The following PIP5K1B variants were observed in gnomAD, a reference collection of about 807,000 sequenced individuals.
The protein encoded by PIP5K1B is phosphatidylinositol 4-phosphate 5-kinase type-1 beta.
Under a neutral mutation model 67.0 loss-of-function variants are expected in PIP5K1B, and 42 were observed. The ratio of observed to expected loss-of-function variants is 0.63; its 90% CI spans 0.49 to 0.81. The LOEUF is 0.81. Among genes scored for constraint, PIP5K1B ranks in the 30% least tolerant of loss-of-function variants. The probability of loss-of-function intolerance (pLI) is 0.00; values close to 1 mark genes in which losing one functional copy is unlikely to be tolerated. For synonymous variants in PIP5K1B, 214 were observed against 231.4 expected, an observed-to-expected ratio of 0.92 and a Z score of 0.68; for missense variants, 459 against 646.3, an observed-to-expected ratio of 0.71 and a Z score of 3.14.
At chr9:68,741,011 C>T (rs935652359) in intron 1 of PIP5K1B, among the ~76,000 whole-genome samples, 1 of 152,190 alleles carries the variant, frequency 6.6e-6, no homozygotes, top group Admixed American at 6.5e-5. Context: ...ATTAGTATTT[C>T]TAAATGCCAT....
intron 2 of PIP5K1B, among the ~76,000 whole-genome samples, chr9:68,762,475 G>A (rs11143638): frequency 0.019 from 2,918 of 151,924 alleles, 57 homozygotes; most frequent in East Asian, 0.11. Context: ...AATTATCTGC[G>A]TCTTTGGAAA....
At chr9:68,718,062 G>T (rs551122710) in intron 1 of PIP5K1B, among the ~76,000 whole-genome samples, 1 of 152,268 alleles carries the variant, frequency 6.6e-6, no homozygotes, top group South Asian at 2.1e-4. Context: ...CAGCCTAGAG[G>T]TGTGCATTTA....
At chr9:68,894,809 G>A (rs1320812514) in intron 8 of PIP5K1B, among the ~76,000 whole-genome samples, 171 bp downstream of exon 8, 5 of 152,202 alleles carry the variant, frequency 3.3e-5, no homozygotes, top group Admixed American at 6.5e-5. Context: ...GAAGGAATTG[G>A]TAGATGATAA....
chr9:68,967,614 C>G (rs187011169), intron 14 of PIP5K1B, among the ~76,000 whole-genome samples: 207 of 152,216 alleles, frequency 1.4e-3, no homozygotes, highest in Non-Finnish European at 2.2e-3. Flanking sequence ...GAGCCTCTAC[C>G]CTCTCCCAGA....
intron 14 of PIP5K1B, among the ~76,000 whole-genome samples, chr9:68,973,548 A>C (rs1829494223): frequency 6.6e-6 from 1 of 152,244 alleles, no homozygotes; most frequent in South Asian, 2.1e-4. Context: ...TGTATTTACA[A>C]ATGGCTAAGC....
chr9:68,963,847 G>A (rs1300518586), intron 14 of PIP5K1B, among the ~76,000 whole-genome samples: 1 of 152,170 alleles, frequency 6.6e-6, no homozygotes, highest in East Asian at 1.9e-4. Context: ...GTGACTTCAG[G>A]TGCTTTCTTC....
chr9:69,008,570 C>A lies in PIP5K1B; in HGVS notation c.*121C>A, dbSNP rs942475948. ...TGAGCCCCACTACACACAGAGAAAT[C>A]ATCAACCTGACTTAAGAGTTTTCAA... is the stretch of plus-strand genomic sequence containing the variant. On this transcript the variant is annotated 3_prime_UTR_variant, in exon 16 of 16. Transcript: ENST00000265382. 2.1e-6 allele frequency: 2 copies of A among 949,750 alleles called. No homozygotes were observed. The highest frequency in any genetic ancestry group is 3.4e-6 in the Non-Finnish European group (2 of 580,664). The allele number at this position is 949,750 out of a possible 1,614,324, so 58.8% of individuals were successfully genotyped here. A position where few individuals can be genotyped will look rare whatever the true frequency, so the allele number is the denominator to read the frequency against.
chr9:68,998,588 G>T (rs1163759379), intron 15 of PIP5K1B, among the ~76,000 whole-genome samples: 1 of 152,140 alleles, frequency 6.6e-6, no homozygotes, highest in Non-Finnish European at 1.5e-5. Context: ...CAACTCTTGG[G>T]AATAGTGTTT....
intron 6 of PIP5K1B, among the ~76,000 whole-genome samples, chr9:68,877,622 G>A (rs1044459654): frequency 3.9e-5 from 6 of 152,200 alleles, no homozygotes; most frequent in African/African-American, 1.4e-4. Flanking sequence ...AGGAAGTATA[G>A]CAACACGTGT....
chr9:68,758,463 A>G (rs1830038863), intron 2 of PIP5K1B, among the ~76,000 whole-genome samples: 2 of 152,184 alleles, frequency 1.3e-5, no homozygotes, highest in South Asian at 4.1e-4. Flanking sequence ...TGCAGTAACC[A>G]CAATTCTTAA....
chr9:68,919,454 A>G lies in PIP5K1B; in HGVS notation c.984-25A>G, dbSNP rs762132684. 8.5e-6 allele frequency: 10 copies of G among 1,178,024 alleles called. No individual in the cohort carries two copies. The Admixed American group carries it at 2.2e-4, about 26-fold the overall frequency. 73.0% of individuals were successfully genotyped at this position (1,178,024 alleles called of 1,614,324 possible). On this transcript the variant is annotated intron_variant, in intron 9 of 15. Transcript: ENST00000265382. ...CTATTCTTATAATATGTAATCAAATATTTTCTCTTTTGCTCCATCAACAGA... is the reference window on the plus strand; with the variant it reads ...CTATTCTTATAATATGTAATCAAATGTTTTCTCTTTTGCTCCATCAACAGA...
chr9:68,961,312 A>G (rs1408736826), intron 14 of PIP5K1B, among the ~76,000 whole-genome samples: 2 of 152,180 alleles, frequency 1.3e-5, no homozygotes, highest in African/African-American at 4.8e-5. Context: ...AAATGGAGTA[A>G]CTATTAATGA....
chr9:68,916,876 A>T (rs200815666), intron 8 of PIP5K1B, among the ~76,000 whole-genome samples: 3 of 122,020 alleles, frequency 2.5e-5, no homozygotes, highest in Non-Finnish European at 5.4e-5. Flanking sequence ...TGTCTCAAAA[A>T]TAAAAAAAAA....
intron 15 of PIP5K1B, among the ~76,000 whole-genome samples, chr9:68,992,249 A>G (rs1830413071): frequency 1.3e-5 from 2 of 151,988 alleles, no homozygotes; most frequent in Non-Finnish European, 2.9e-5. Flanking sequence ...GGCATGAGCC[A>G]CTGCACCCGG....
At position 68,917,564 on chromosome 9, in the gene PIP5K1B, A is replaced by G; in HGVS notation, c.788A>G (p.Lys263Arg). ...CTCATTCAGGTGCTAGAAAGCTTCA[A>G]GATCATGGATTATAGCCTTCTGTTG... is the stretch of plus-strand genomic sequence containing the variant. ...QRDCRVLESF[K>R]IMDYSLLLGI... The change falls in exon 9 of 16, where the codon AAG becomes AGG. Residue 263 changes from lysine (K) to arginine (R), a missense_variant. This residue lies in a region of PIP5K1B where 290 missense variants were observed against 474.4 expected (regional missense o/e 0.61). Transcript: ENST00000265382. 6.2e-7 allele frequency: 1 copy of G among 1,613,960 alleles called. No homozygotes were observed. The highest frequency in any genetic ancestry group is 8.5e-7 in the Non-Finnish European group (1 of 1,179,796).
At chr9:68,957,438 A>G (rs940920118) in intron 14 of PIP5K1B, among the ~76,000 whole-genome samples, 5 of 152,122 alleles carry the variant, frequency 3.3e-5, no homozygotes, top group African/African-American at 1.2e-4. Context: ...TTTTTCACCC[A>G]TCACTAGGTT....
chr9:68,915,997 C>G (rs1036941374), intron 8 of PIP5K1B, among the ~76,000 whole-genome samples: 2 of 152,210 alleles, frequency 1.3e-5, no homozygotes, highest in Admixed American at 6.5e-5. Flanking sequence ...TTTACTATAT[C>G]ATAAATATCA....
intron 15 of PIP5K1B, among the ~76,000 whole-genome samples, chr9:69,006,336 A>T (rs1036094118): frequency 6.6e-6 from 1 of 152,166 alleles, no homozygotes. Flanking sequence ...CGTCATGTAC[A>T]CATGACATGT....
At chr9:68,828,962 C>T (rs989083270) in intron 4 of PIP5K1B, among the ~76,000 whole-genome samples, 2 of 152,126 alleles carry the variant, frequency 1.3e-5, no homozygotes, top group South Asian at 4.1e-4. Flanking sequence ...ATTTGCTGGG[C>T]ACGGTGGTGC....
Sources: gnomAD v4.1 joint callset for allele counts (sites outside exome capture counted in the v4.1 genomes callset) on GRCh38, gnomAD v4.1.1 for gene constraint, gnomAD v4.1.1 regional missense constraint, MANE v1.5 for transcripts, NCBI Gene and HGNC (gene_info 2026-07-23, HGNC 2026-07-21) for gene names.